The following HERC4 variants were observed in gnomAD, a reference collection of about 807,000 sequenced individuals.
HERC4 encodes the protein HECT and RLD domain containing E3 ubiquitin protein ligase 4, also known as probable E3 ubiquitin-protein ligase HERC4.
HERC4 carries 28 observed loss-of-function variants against 124.3 expected under a neutral mutation model. The observed-to-expected ratio is 0.23, with a 90% CI of 0.17 to 0.31. The LOEUF (loss-of-function observed/expected upper bound fraction) is 0.31, where lower values mean the gene tolerates loss of function less well. Ranked by LOEUF, HERC4 falls within the 10% of genes least tolerant of loss-of-function variation. The pLI, the probability that HERC4 is intolerant of heterozygous loss-of-function variation, is 1.00. For missense variants in HERC4, 713 were observed against 1,229.3 expected, an observed-to-expected ratio of 0.58 and a Z score of 6.28; for synonymous variants, 407 against 421.5, an observed-to-expected ratio of 0.97 and a Z score of 0.42.
intron 9 of HERC4, among the ~76,000 whole-genome samples, chr10:68,013,432 G>A (rs1463642899): frequency 6.6e-6 from 1 of 152,158 alleles, no homozygotes; most frequent in Non-Finnish European, 1.5e-5. Flanking sequence ...CTACAACACA[G>A]ATGAACCTTG....
chr10:67,959,024 CA>C (rs1175255498), intron 16 of HERC4: 20 of 1,093,346 alleles, frequency 1.8e-5, no homozygotes, highest in South Asian at 4.8e-5. Flanking sequence ...TTAACCACAC[CA>C]AAAAAACGAA....
chr10:68,000,678 A>G (rs924653294), intron 9 of HERC4, among the ~76,000 whole-genome samples: 1 of 152,218 alleles, frequency 6.6e-6, no homozygotes, highest in East Asian at 1.9e-4. Context: ...AGTTAAGGTC[A>G]TAATGGAGTA....
intron 9 of HERC4, chr10:68,010,973 A>G (rs779932233): frequency 4.7e-5 from 41 of 879,426 alleles, no homozygotes; most frequent in Admixed American, 6.5e-5. Context: ...CCATATCTAT[A>G]GTTAAGTTCT....
intron 9 of HERC4, among the ~76,000 whole-genome samples, chr10:68,006,071 TATC>T (rs936866828): frequency 6.6e-6 from 1 of 152,194 alleles, no homozygotes. Context: ...CTTTACACTT[TATC>T]ATCTTTTCCC....
At chr10:67,988,883 TCA>T (rs2036406742) in intron 14 of HERC4, 48 bp from the exon 15 acceptor site, 1 of 1,457,026 alleles carries the variant, frequency 6.9e-7, no homozygotes, top group Admixed American at 2.1e-5. Flanking sequence ...TTTTAAAAAA[TCA>T]CAATTTTCAA....
chr10:67,988,629 G>A (rs968129497), intron 15 of HERC4, 34 bp downstream of exon 15: 3 of 1,328,220 alleles, frequency 2.3e-6, no homozygotes, highest in Admixed American at 2.5e-5. Flanking sequence ...ATAGGAATGG[G>A]GAAAGAGGAA....
At chr10:68,013,914 T>C (rs2038115557) in intron 9 of HERC4, 112 bp downstream of exon 9, 2 of 911,770 alleles carry the variant, frequency 2.2e-6, no homozygotes, top group South Asian at 3.8e-5. Context: ...TTTGCTGTTT[T>C]CACTTAACAA....
intron 9 of HERC4, among the ~76,000 whole-genome samples, chr10:68,001,803 T>A (rs1022998883): frequency 1.3e-5 from 2 of 152,216 alleles, no homozygotes; most frequent in Admixed American, 6.5e-5. Context: ...ATCAGTAGAC[T>A]CATATGATAT....
Position 67,988,846 on chromosome 10 carries a change from A to G in HERC4, c.1634-11T>C, listed in dbSNP as rs767848054. ...CTGACCACCAGTTTTCTGTTATTAA[A>G]AAGTGAACATGCAAATAAAATGAAT... On this transcript the variant is annotated splice_polypyrimidine_tract_variant and intron_variant, in intron 14 of 24. Transcript: ENST00000373700. The G allele has an allele frequency of 1.3e-6, 2 of 1,568,706 alleles. No individual in the cohort carries two copies. The highest frequency in any genetic ancestry group is 1.7e-6 in the Non-Finnish European group (2 of 1,160,146).
intron 3 of HERC4, among the ~76,000 whole-genome samples, chr10:68,054,289 TTTTTC>T (rs1258765410): frequency 1.3e-5 from 2 of 152,056 alleles, no homozygotes; most frequent in African/African-American, 2.4e-5. Flanking sequence ...TTATAATTTT[TTTTTC>T]TTTTCTTCTT....
At position 68,027,329 on chromosome 10, in the gene HERC4, G is replaced by T. The variant is rs532870126; in HGVS notation, c.778-1653C>A. 5.3e-5 allele frequency among the ~76,000 whole-genome samples: 8 copies of T among 152,246 alleles called. No homozygotes were observed. The South Asian group carries it at 1.7e-3, about 32-fold the overall frequency. The stretch of plus-strand genomic sequence containing the variant: ...AGTTTCAATAACTGGCAAAAGGTTG[G>T]TTATTTTGTTTCACTGGTGTCTCCC... On this transcript the variant is annotated intron_variant, in intron 7 of 24. Coordinates refer to ENST00000373700, the MANE Select transcript of HERC4 (RefSeq NM_015601.4).
At chr10:68,066,693 T>C (rs889335116) in intron 3 of HERC4, among the ~76,000 whole-genome samples, 1 of 152,184 alleles carries the variant, frequency 6.6e-6, no homozygotes, top group Non-Finnish European at 1.5e-5. Context: ...TCAGTTACTA[T>C]GGACCTTGGC....
chr10:67,947,839 CTTTTTTTT>C, intron 19 of HERC4, among the ~76,000 whole-genome samples: 1 of 107,306 alleles, frequency 9.3e-6, no homozygotes, highest in East Asian at 3.4e-4. Flanking sequence ...ACAATACACT[CTTTTTTTT>C]TTTTTTTTTT....
Position 68,052,567 on chromosome 10 carries a change from T to C in HERC4, c.227-8004A>G, listed in dbSNP as rs546362726. 1.6e-4 allele frequency among the ~76,000 whole-genome samples: 25 copies of C among 152,310 alleles called. No individual in the cohort carries two copies. In the South Asian group the frequency reaches 2.1e-3, roughly 13 times the overall value. On this transcript the variant is annotated intron_variant, in intron 3 of 24. Transcript: ENST00000373700. The stretch of plus-strand genomic sequence containing the variant: ...AAAGAATACTGTCTCACATACAGGA[T>C]AGACAAGTCCAGGTTCTTGTTGCAA...
At chr10:68,039,105 G>C (rs1011098260) in intron 4 of HERC4, among the ~76,000 whole-genome samples, 3 of 148,836 alleles carry the variant, frequency 2.0e-5, no homozygotes, top group Non-Finnish European at 3.0e-5. Context: ...TCAGGAGTTT[G>C]AGACCAGACT....
intron 23 of HERC4, among the ~76,000 whole-genome samples, chr10:67,926,675 A>G (rs2031014912): frequency 6.6e-6 from 1 of 152,146 alleles, no homozygotes; most frequent in African/African-American, 2.4e-5. Flanking sequence ...TCATTGATTC[A>G]TCCAACAAAT....
intron 15 of HERC4, among the ~76,000 whole-genome samples, chr10:67,984,301 C>CAAAAA (rs928310831): frequency 1.5e-5 from 1 of 67,848 alleles, no homozygotes; most frequent in African/African-American, 4.5e-5. Flanking sequence ...GACTCCATCT[C>CAAAAA]AAAAAAAAAA....
rs1258845066 is a variant in HERC4, at chr10:67,939,652, C to G, written c.2507G>C (p.Ser836Thr). The G allele has an allele frequency of 1.3e-5, 21 of 1,597,094 alleles. No homozygotes were observed. The highest frequency in any genetic ancestry group is 1.8e-5 in the Non-Finnish European group (21 of 1,171,902). The part of the protein sequence containing the change: ...LKELMPDVGR[S>T]MQQLLDYPED... The stretch of plus-strand genomic sequence containing the variant: ...TGGATAATCCAGTAACTGTTGCATG[C>G]TTCTGCAAAATAATATATATGTTTC... Residue 836 changes from serine to threonine, a missense_variant and splice_region_variant, in exon 21 of 25, where the codon AGC (serine) becomes ACC (threonine). Coordinates refer to ENST00000373700, the MANE Select transcript of HERC4 (RefSeq NM_015601.4).
rs761667826 is a variant in HERC4 at position 68,038,137 on chromosome 10, A to G, written c.419T>C (p.Val140Ala). The G allele has an allele frequency of 6.5e-7, 1 of 1,542,694 alleles. No individual in the cohort carries two copies. Among genetic ancestry groups the G allele is most frequent in the African/African-American group, 1.4e-5 (1 of 70,742 alleles). Residue 140 changes from valine to alanine, a missense_variant, in exon 5 of 25, where the codon GTA becomes GCA. By Grantham distance (64) the Val-to-Ala change is moderately conservative. Coordinates refer to ENST00000373700, the MANE Select transcript of HERC4 (RefSeq NM_015601.4). ...ATGATAGTAACCACAAGCAACCTGT[A>G]CAATCTGGATATCTGACAAACTTTT... ...NIKSLSDIQI[V>A]QVACGYYHSL...
Sources: gnomAD v4.1 joint callset for allele counts (sites outside exome capture counted in the v4.1 genomes callset) on GRCh38, gnomAD v4.1.1 for gene constraint, MANE v1.5 for transcripts, NCBI Gene and HGNC (gene_info 2026-07-23, HGNC 2026-07-21) for gene names.